The following MTPN variants were observed in gnomAD, a reference collection of about 807,000 sequenced individuals.
MTPN encodes myotrophin, also known as granule cell differentiation protein.
MTPN carries 2 observed loss-of-function variants against 13.5 expected under a neutral mutation model. The ratio of observed to expected loss-of-function variants is 0.15; its 90% confidence interval spans 0.06 to 0.47. MTPN has a LOEUF of 0.47. Ranked by LOEUF, MTPN falls within the 20% of genes least tolerant of loss-of-function variation. The pLI is 0.97. For synonymous variants in MTPN, 46 were observed against 51.7 expected, an observed-to-expected ratio of 0.89 and a Z score of 0.48; for missense variants, 79 against 137.9, an observed-to-expected ratio of 0.57 and a Z score of 2.14.
chr7:135,953,179 G>A (rs1203221782), intron 1 of MTPN, among the ~76,000 whole-genome samples: 1 of 151,920 alleles, frequency 6.6e-6, no homozygotes, highest in Non-Finnish European at 1.5e-5. Flanking sequence ...AAATACTATA[G>A]GTCCTACAAG....
intron 3 of MTPN, among the ~76,000 whole-genome samples, chr7:135,941,895 T>C (rs1799216082): frequency 6.6e-6 from 1 of 151,662 alleles, no homozygotes; most frequent in Non-Finnish European, 1.5e-5. Context: ...TTTTTTTTTT[T>C]TTTTGAGACG....
In MTPN at chr7:135,977,192, C is replaced by G; in HGVS notation, c.-92G>C. The G allele has an allele frequency of 7.8e-7, 1 of 1,288,342 alleles. No homozygotes were observed. The highest frequency in any genetic ancestry group is 1.1e-6 in the Non-Finnish European group (1 of 890,418). The allele number at this position is 1,288,342 out of a possible 1,614,324, so 79.8% of individuals were successfully genotyped here. ...GCCGCCGGGCGAGAGGGAGGCAGGG[C>G]CGCGCGAAGCCGGAGAGGAGAAGAA... On this transcript the variant is annotated 5_prime_UTR_variant, in exon 1 of 4. Coordinates refer to ENST00000393085, the MANE Select transcript of MTPN (RefSeq NM_145808.4).
intron 1 of MTPN, among the ~76,000 whole-genome samples, chr7:135,961,055 A>G (rs1180049068): frequency 1.3e-5 from 2 of 152,128 alleles, no homozygotes; most frequent in African/African-American, 4.8e-5. Flanking sequence ...CGAAGTCAGT[A>G]GAGTTGGGAA....
intron 3 of MTPN, among the ~76,000 whole-genome samples, chr7:135,933,861 T>C (rs1191351761): frequency 2.0e-5 from 3 of 152,184 alleles, no homozygotes; most frequent in African/African-American, 2.4e-5. Context: ...TGCTAATGGT[T>C]TGGCACCACC....
At position 135,929,780 on chromosome 7, in the gene MTPN, C is replaced by A; in HGVS notation, c.*146G>T. On this transcript the variant is annotated 3_prime_UTR_variant, in exon 4 of 4. Transcript: ENST00000393085. ...AAAACAATTTTTTTTTTCTGGTAGT[C>A]GGATTTGTTATGAATTTCTCTCTCC... The A allele has an allele frequency of 1.3e-6, 1 of 764,582 alleles. No homozygotes were observed. The highest frequency in any genetic ancestry group is 1.8e-5 in the South Asian group (1 of 55,370). The allele number at this position is 764,582 out of a possible 1,614,324, so 47.4% of individuals were successfully genotyped here.
At chr7:135,933,729 C>T (rs768837044) in intron 3 of MTPN, among the ~76,000 whole-genome samples, 8 of 152,158 alleles carry the variant, frequency 5.3e-5, no homozygotes, top group Non-Finnish European at 8.8e-5. Flanking sequence ...CCTGAGTTTT[C>T]CCCAGTCCCA....
At chr7:135,952,599 C>T (rs1190410163) in intron 1 of MTPN, among the ~76,000 whole-genome samples, 1 of 152,178 alleles carries the variant, frequency 6.6e-6, no homozygotes. Flanking sequence ...TACCAACATG[C>T]TGTTTCTAAT....
At chr7:135,941,168 A>G (rs1393979075) in intron 3 of MTPN, among the ~76,000 whole-genome samples, 1 of 152,226 alleles carries the variant, frequency 6.6e-6, no homozygotes, top group Non-Finnish European at 1.5e-5. Context: ...TAGTTCTCAT[A>G]TATTTCATAA....
chr7:135,977,173 G>A lies in MTPN; in HGVS notation c.-73C>T, dbSNP rs1464237911. The A allele has an allele frequency of 3.5e-5, 53 of 1,493,400 alleles. No individual in the cohort carries two copies. The Middle Eastern group carries it at 5.1e-4, about 14-fold the overall frequency. The allele number at this position is 1,493,400 out of a possible 1,614,324, so 92.5% of individuals were successfully genotyped here. A position where few individuals can be genotyped will look rare whatever the true frequency, so the allele number is the denominator to read the frequency against. ...GTGGCAGCAGCAAGCGGATGCCGCC[G>A]GGCGAGAGGGAGGCAGGGCCGCGCG... On this transcript the variant is annotated 5_prime_UTR_variant, in exon 1 of 4. Coordinates refer to ENST00000393085, the MANE Select transcript of MTPN (RefSeq NM_145808.4).
chr7:135,936,962 A>G (rs947832997), intron 3 of MTPN, among the ~76,000 whole-genome samples: 6 of 152,244 alleles, frequency 3.9e-5, no homozygotes, highest in Non-Finnish European at 4.4e-5. Flanking sequence ...ACTTCAAGTC[A>G]TGCTATCTCC....
intron 3 of MTPN, among the ~76,000 whole-genome samples, chr7:135,942,808 C>T (rs1035597336): frequency 1.3e-5 from 2 of 152,158 alleles, no homozygotes; most frequent in Non-Finnish European, 2.9e-5. Context: ...GAACTGAGAA[C>T]TAAACTTGTG....
intron 1 of MTPN, 94 bp downstream of exon 1, chr7:135,976,935 A>ACCC: frequency 4.2e-6 from 1 of 239,440 alleles, no homozygotes; most frequent in Non-Finnish European, 8.8e-6. Flanking sequence ...CCTCCCGCCC[A>ACCC]CCCCCATCCC....
At chr7:135,935,661 A>T (rs1438000838) in intron 3 of MTPN, among the ~76,000 whole-genome samples, 1 of 152,254 alleles carries the variant, frequency 6.6e-6, no homozygotes, top group Non-Finnish European at 1.5e-5. Context: ...AAATAGAATA[A>T]AGATAAATAA....
In MTPN at chr7:135,927,996, A is replaced by C; in HGVS notation, c.*1930T>G. ...AAATAGCATTATGTCAAGAGGTGAAAACAAAGGTATCAAAACACCCTGTTG... is the reference window on the plus strand; with the variant it reads ...AAATAGCATTATGTCAAGAGGTGAACACAAAGGTATCAAAACACCCTGTTG... On this transcript the variant is annotated 3_prime_UTR_variant, in exon 4 of 4. Transcript: ENST00000393085. The C allele has an allele frequency of 7.3e-6, 2 of 272,426 alleles. No individual in the cohort carries two copies. Among genetic ancestry groups the C allele is most frequent in the East Asian group, 1.1e-4 (1 of 8,750 alleles). 16.9% of individuals were successfully genotyped at this position (272,426 alleles called of 1,614,324 possible).
chr7:135,948,909 G>T (rs934915821), intron 3 of MTPN, among the ~76,000 whole-genome samples: 2 of 152,058 alleles, frequency 1.3e-5, no homozygotes, highest in Non-Finnish European at 2.9e-5. Context: ...AAAACCCTTG[G>T]CTGGGTAAAA....
intron 1 of MTPN, among the ~76,000 whole-genome samples, chr7:135,964,977 C>CA (rs1304804157): frequency 6.6e-6 from 1 of 151,970 alleles, no homozygotes; most frequent in African/African-American, 2.4e-5. Context: ...TATTGGAACT[C>CA]AGACTCATTT....
chr7:135,968,236 A>G (rs1052520858), intron 1 of MTPN, among the ~76,000 whole-genome samples: 1 of 152,176 alleles, frequency 6.6e-6, no homozygotes, highest in Non-Finnish European at 1.5e-5. Context: ...GACTTTGTAA[A>G]TAAGAGAAAA....
chr7:135,935,826 T>A (rs1213778778), intron 3 of MTPN, among the ~76,000 whole-genome samples: 1 of 152,046 alleles, frequency 6.6e-6, no homozygotes, highest in Admixed American at 6.5e-5. Context: ...TTCTCATTGT[T>A]GCTTCTGCTT....
chr7:135,935,783 TACATCA>T (rs1165813143), intron 3 of MTPN, among the ~76,000 whole-genome samples: 2 of 152,160 alleles, frequency 1.3e-5, no homozygotes, highest in African/African-American at 4.8e-5. Flanking sequence ...TGTACTCTAA[TACATCA>T]TGGTTTCTTT....
Sources: allele counts gnomAD v4.1 joint callset (sites outside exome capture counted in the v4.1 genomes callset), GRCh38; gene constraint gnomAD v4.1.1; transcripts MANE v1.5; gene names NCBI Gene and HGNC (gene_info 2026-07-23, HGNC 2026-07-21).